The following CASTOR2 variants were observed in gnomAD, a reference collection of about 807,000 sequenced individuals.
The protein encoded by CASTOR2 is GATS protein like 2.
CASTOR2 carries 8 observed loss-of-function variants against 31.2 expected under a neutral mutation model. The observed-to-expected ratio is 0.26, with a 90% confidence interval of 0.15 to 0.46. CASTOR2 has a LOEUF of 0.46. Among genes scored for constraint, CASTOR2 ranks in the 20% least tolerant of loss-of-function variants. CASTOR2 has a pLI of 0.99. For missense variants in CASTOR2, 216 were observed against 382.1 expected (o/e 0.57, Z 3.62); for synonymous variants, 162 against 158.7 (o/e 1.02, Z -0.16).
rs1805274577 is a variant in CASTOR2, at chr7:75,030,561, G to A, written c.*5862G>A. Among the ~76,000 whole-genome samples, 1 of 152,176 alleles carries A rather than the reference G, an allele frequency of 6.6e-6. No individual in the cohort carries two copies. Among genetic ancestry groups the A allele is most frequent in the African/African-American group, 2.4e-5 (1 of 41,428 alleles). ...GCTGTTGTCTGAAATCTTAGCTAAG[G>A]ATTGGAGGATGCACTTCTAAGTGAG... On this transcript the variant is annotated 3_prime_UTR_variant, in exon 9 of 9. Coordinates refer to ENST00000616305, the MANE Select transcript of CASTOR2 (RefSeq NM_001145064.3).
intron 2 of CASTOR2, among the ~76,000 whole-genome samples, chr7:75,013,680 G>T (rs1381603203): frequency 6.6e-6 from 1 of 152,022 alleles, no homozygotes; most frequent in African/African-American, 2.4e-5. Context: ...TCAAATGGAT[G>T]CAGTATGTCT....
At chr7:75,019,965 A>G in intron 5 of CASTOR2, 74 bp from the exon 6 acceptor site, 1 of 1,434,010 alleles carries the variant, frequency 7.0e-7, no homozygotes, top group Non-Finnish European at 9.5e-7. Context: ...GGCAGGGCCC[A>G]GCTTCCCTGG....
At position 75,020,212 on chromosome 7, in the gene CASTOR2, G is replaced by A. The variant is rs948981812; in HGVS notation, c.746+63G>A. ...GGGCCCCAGGGTCTGGGGGGACTAT[G>A]TGATGGCACATCACCCACTTTGTCT... On this transcript the variant is annotated intron_variant, in intron 6 of 8. Transcript: ENST00000616305. 6 of 1,390,594 alleles carry A rather than the reference G, an allele frequency of 4.3e-6. No individual in the cohort carries two copies. The African/African-American group carries it at 5.7e-5, about 13-fold the overall frequency. The allele number at this position is 1,390,594 out of a possible 1,614,324, so 86.1% of individuals were successfully genotyped here.
intron 1 of CASTOR2, among the ~76,000 whole-genome samples, chr7:74,995,604 G>A (rs1383024821): frequency 1.3e-5 from 2 of 151,280 alleles, no homozygotes; most frequent in Non-Finnish European, 2.9e-5. Flanking sequence ...TCAGGAGATC[G>A]AGACCATCCT....
At chr7:75,020,693 G>T (rs943051898) in intron 6 of CASTOR2, among the ~76,000 whole-genome samples, 1 of 151,876 alleles carries the variant, frequency 6.6e-6, no homozygotes, top group Non-Finnish European at 1.5e-5. Context: ...GTTTCACCAT[G>T]TTAGCCAAGA....
At chr7:75,005,438 G>T (rs1804586365) in intron 1 of CASTOR2, among the ~76,000 whole-genome samples, 2 of 152,064 alleles carry the variant, frequency 1.3e-5, no homozygotes, top group Non-Finnish European at 2.9e-5. Context: ...CCTTTTAATT[G>T]CTGACCCGTA....
Position 75,005,048 on chromosome 7 carries a change from G to A in CASTOR2, c.114-2946G>A, listed in dbSNP as rs1554438648. ...GCCTGGCTAATTTTTGCATTTTTTT[G>A]TAGAGACAGGGTTTCACCATGTTGG... On this transcript the variant is annotated intron_variant, in intron 1 of 8. Coordinates refer to ENST00000616305, the MANE Select transcript of CASTOR2 (RefSeq NM_001145064.3). 2.5e-4 allele frequency among the ~76,000 whole-genome samples: 38 copies of A among 151,336 alleles called. 1 individual carries two copies. Among genetic ancestry groups the A allele is most frequent in the Non-Finnish European group, 4.4e-4 (30 of 67,852 alleles).
Position 75,020,114 on chromosome 7 carries a change from C to T in CASTOR2, c.711C>T (p.Tyr237=). 1 of 1,551,544 alleles carries T rather than the reference C, an allele frequency of 6.4e-7. No homozygotes were observed. The highest frequency in any genetic ancestry group is 1.2e-5 in the South Asian group (1 of 84,058). Reference sequence around the variant, plus strand: ...TCTCCTTCTCCCTCATCGAGGGCTACATCTCCCTGGTGATGGACGTGCAGA... The same window carrying T: ...TCTCCTTCTCCCTCATCGAGGGCTATATCTCCCTGGTGATGGACGTGCAGA... ...RFFSFSLIEG[Y]ISLVMDVQTQ... Residue 237 remains tyrosine, a synonymous_variant, in exon 6 of 9, where the codon TAC becomes TAT. Coordinates refer to ENST00000616305, the MANE Select transcript of CASTOR2 (RefSeq NM_001145064.3).
intron 1 of CASTOR2, among the ~76,000 whole-genome samples, chr7:74,996,936 T>C (rs1269025773): frequency 1.3e-5 from 2 of 151,476 alleles, no homozygotes; most frequent in East Asian, 3.9e-4. Flanking sequence ...GGTTTCACCA[T>C]GTTGGCCAGG....
chr7:75,027,820 G>T lies in CASTOR2; in HGVS notation c.*3121G>T, dbSNP rs1306084624. On this transcript the variant is annotated 3_prime_UTR_variant, in exon 9 of 9. Coordinates refer to ENST00000616305, the MANE Select transcript of CASTOR2 (RefSeq NM_001145064.3). ...TCTGTGTGTAGCGTAGTCTTGGTTT[G>T]GTCTCCACAGCTCTTCGGGGTGGGG... 3 of 627,684 alleles carry T rather than the reference G, an allele frequency of 4.8e-6. No homozygotes were observed. The highest frequency in any genetic ancestry group is 3.7e-5 in the African/African-American group (2 of 54,514). 38.9% of individuals were successfully genotyped at this position (627,684 alleles called of 1,614,324 possible).
At chr7:74,972,766 G>C (rs868965505) in intron 1 of CASTOR2, among the ~76,000 whole-genome samples, 17 of 149,446 alleles carry the variant, frequency 1.1e-4, no homozygotes, top group South Asian at 6.4e-4. Context: ...TGCAACCTTC[G>C]CCTCCCAGGT....
rs1472648275 is a variant in CASTOR2, at chr7:75,029,918, G to C, written c.*5219G>C. ...TAGGCCTGTCATCCCAGCACTTTGG[G>C]AGACCAAGGTGGGAGGATAGCTTGA... is the stretch of plus-strand genomic sequence containing the variant. On this transcript the variant is annotated 3_prime_UTR_variant, in exon 9 of 9. Coordinates refer to ENST00000616305, the MANE Select transcript of CASTOR2 (RefSeq NM_001145064.3). Among the ~76,000 whole-genome samples the C allele has an allele frequency of 1.3e-5, 2 of 152,222 alleles. No homozygotes were observed. Among genetic ancestry groups the C allele is most frequent in the African/African-American group, 4.8e-5 (2 of 41,466 alleles).
intron 2 of CASTOR2, among the ~76,000 whole-genome samples, chr7:75,010,193 T>C (rs1211533707): frequency 6.6e-6 from 1 of 152,054 alleles, no homozygotes; most frequent in Non-Finnish European, 1.5e-5. Context: ...CATGTGGTCA[T>C]GGAGGACTTC....
intron 2 of CASTOR2, among the ~76,000 whole-genome samples, chr7:75,009,160 G>T (rs1804671940): frequency 6.7e-6 from 1 of 149,140 alleles, no homozygotes; most frequent in African/African-American, 2.5e-5. Flanking sequence ...GATTCACCCT[G>T]TTGGCCAGGA....
chr7:75,004,592 G>A (rs1804567857), intron 1 of CASTOR2, among the ~76,000 whole-genome samples: 1 of 151,682 alleles, frequency 6.6e-6, no homozygotes, highest in East Asian at 2.0e-4. Flanking sequence ...GATTACAGAC[G>A]CCCACCACCA....
In CASTOR2 at chr7:75,014,516, C is replaced by T. The variant is rs1259190234; in HGVS notation, c.185-3082C>T. On this transcript the variant is annotated intron_variant, in intron 2 of 8. Transcript: ENST00000616305. ...CTGAGACATGAGAATCGCTTGAACC[C>T]GGGAGGCAGAGGTTGCAGTGAGCCG... Among the ~76,000 whole-genome samples, 22 of 151,954 alleles carry T rather than the reference C, an allele frequency of 1.4e-4. No homozygotes were observed. The South Asian group carries it at 2.1e-3, about 14-fold the overall frequency.
intron 2 of CASTOR2, 33 bp downstream of exon 2, chr7:75,008,097 A>G: frequency 6.2e-7 from 1 of 1,613,168 alleles, no homozygotes; most frequent in Non-Finnish European, 8.5e-7. Context: ...GCTCGGCTGG[A>G]CCATGCCCCG....
chr7:75,020,277 C>T (rs892214024), intron 6 of CASTOR2, 128 bp downstream of exon 6: 1 of 939,248 alleles, frequency 1.1e-6, no homozygotes, highest in Non-Finnish European at 1.6e-6. Flanking sequence ...GGGTCTCGCT[C>T]TGTCGCCCAG....
intron 1 of CASTOR2, among the ~76,000 whole-genome samples, chr7:74,983,906 G>C: frequency 6.6e-6 from 1 of 151,340 alleles, no homozygotes; most frequent in Non-Finnish European, 1.5e-5. Context: ...TCAGCCTCCT[G>C]AATAGCTGGG....
Sources: allele counts gnomAD v4.1 joint callset (sites outside exome capture counted in the v4.1 genomes callset), GRCh38; gene constraint gnomAD v4.1.1; transcripts MANE v1.5; gene names NCBI Gene and HGNC (gene_info 2026-07-23, HGNC 2026-07-21).